The following MDGA2 variants were observed in gnomAD, a reference collection of about 807,000 sequenced individuals.
MDGA2 encodes MAM domain-containing glycosylphosphatidylinositol anchor protein 2.
In MDGA2, 40 loss-of-function variants were observed where a neutral mutation model predicts 117.8. The observed-to-expected ratio is 0.34, with a 90% CI of 0.26 to 0.44. MDGA2 has a LOEUF of 0.44. MDGA2 is among the 20% of genes least tolerant of loss of function. The pLI is 1.00. For missense variants in MDGA2, 1,123 were observed against 1,250.6 expected, an observed-to-expected ratio of 0.90 and a Z score of 1.54; for synonymous variants, 452 against 439.0, an observed-to-expected ratio of 1.03 and a Z score of -0.37.
chr14:47,053,630 T>C (rs1200166170), intron 7 of MDGA2, among the ~76,000 whole-genome samples: 36 of 99,446 alleles, frequency 3.6e-4, no homozygotes, highest in African/African-American at 1.4e-3. Flanking sequence ...TATATATATA[T>C]ATATATATAT....
rs148105347 is a variant in MDGA2, at chr14:47,052,058, T to A, written c.1525+9191A>T. Among the ~76,000 whole-genome samples the A allele has an allele frequency of 8.6e-5, 13 of 152,044 alleles. No individual in the cohort carries two copies. The East Asian group carries it at 2.5e-3, about 29-fold the overall frequency. ...TATTCTTTATCAGCGAATGGAGATA[T>A]CTGTCACAAGTGTTTCTTTAACTCT... On this transcript the variant is annotated intron_variant, in intron 7 of 16. Transcript: ENST00000399232.
intron 11 of MDGA2, among the ~76,000 whole-genome samples, chr14:46,881,122 A>T (rs1468871492): frequency 6.6e-6 from 1 of 151,984 alleles, no homozygotes; most frequent in Non-Finnish European, 1.5e-5. Flanking sequence ...GGCAACTAAG[A>T]TGTCTTTTGA....
intron 1 of MDGA2, among the ~76,000 whole-genome samples, chr14:47,537,573 TTAAAAAAAAAAAAAA>T (rs1442241071): frequency 2.5e-4 from 14 of 57,108 alleles, no homozygotes; most frequent in Non-Finnish European, 4.5e-4. Context: ...CTTCTCTCTG[TTAAAAAAAAAAAAAA>T]AAAAAAAAAA....
At chr14:47,294,103 CTTTTTTTTTTT>C (rs35698427) in intron 2 of MDGA2, among the ~76,000 whole-genome samples, 1 of 99,142 alleles carries the variant, frequency 1.0e-5, no homozygotes, top group Non-Finnish European at 1.9e-5. Context: ...ATATGGCAAT[CTTTTTTTTTTT>C]TTTTTTTTTT....
chr14:47,612,045 T>C (rs1022314206), intron 1 of MDGA2, among the ~76,000 whole-genome samples: 2 of 152,138 alleles, frequency 1.3e-5, no homozygotes, highest in African/African-American at 4.8e-5. Flanking sequence ...TCAAACAAAA[T>C]GTTTAGTGGG....
chr14:47,615,488 A>G (rs966118345), intron 1 of MDGA2, among the ~76,000 whole-genome samples: 6 of 152,194 alleles, frequency 3.9e-5, no homozygotes, highest in African/African-American at 1.4e-4. Context: ...AGCCTGGTGT[A>G]GTTAAAAGTC....
At chr14:47,528,710 G>C (rs1895026073) in intron 1 of MDGA2, among the ~76,000 whole-genome samples, 1 of 151,920 alleles carries the variant, frequency 6.6e-6, no homozygotes, top group African/African-American at 2.4e-5. Context: ...ATTTGCTTTG[G>C]GGTGCATTAG....
intron 3 of MDGA2, among the ~76,000 whole-genome samples, chr14:47,209,835 C>T (rs915079699): frequency 6.6e-6 from 1 of 152,126 alleles, no homozygotes; most frequent in African/African-American, 2.4e-5. Flanking sequence ...ATTGTAATTG[C>T]CACATCAAAC....
chr14:47,039,858 T>A (rs1466574155), intron 7 of MDGA2, among the ~76,000 whole-genome samples: 1 of 152,084 alleles, frequency 6.6e-6, no homozygotes, highest in East Asian at 1.9e-4. Flanking sequence ...GTATAAACAG[T>A]TGTATCTAAT....
At chr14:47,089,607 ATTTT>A (rs368652679) in intron 6 of MDGA2, among the ~76,000 whole-genome samples, 15 of 151,654 alleles carry the variant, frequency 9.9e-5, no homozygotes, top group African/African-American at 3.6e-4. Context: ...ATGTTTTTGT[ATTTT>A]TTTTATTATA....
chr14:47,250,705 C>G (rs1008669978), intron 2 of MDGA2, among the ~76,000 whole-genome samples: 7 of 152,182 alleles, frequency 4.6e-5, no homozygotes, highest in Non-Finnish European at 1.0e-4. Flanking sequence ...ATAAACCACC[C>G]AGTTCTAAGT....
chr14:47,321,111 A>T (rs577112189), intron 1 of MDGA2, among the ~76,000 whole-genome samples: 2 of 152,188 alleles, frequency 1.3e-5, no homozygotes, highest in African/African-American at 4.8e-5. Context: ...AGGCAGACAG[A>T]GTAGATTGTG....
chr14:46,916,989 C>T (rs1883925785), intron 10 of MDGA2, among the ~76,000 whole-genome samples: 1 of 134,158 alleles, frequency 7.5e-6, no homozygotes, highest in Non-Finnish European at 1.5e-5. Flanking sequence ...GTTTATTACA[C>T]TAGAAATATG....
chr14:47,101,525 G>A (rs1473409570), intron 5 of MDGA2, among the ~76,000 whole-genome samples: 1 of 152,134 alleles, frequency 6.6e-6, no homozygotes, highest in Non-Finnish European at 1.5e-5. Flanking sequence ...GTCACTGAGT[G>A]TGGCTGCCTA....
At chr14:47,007,134 G>A (rs1450307169) in intron 8 of MDGA2, among the ~76,000 whole-genome samples, 4 of 151,806 alleles carry the variant, frequency 2.6e-5, no homozygotes, top group African/African-American at 9.7e-5. Flanking sequence ...TCATATAAGA[G>A]TGATAATCTG....
intron 1 of MDGA2, among the ~76,000 whole-genome samples, chr14:47,452,579 G>A (rs1364871997): frequency 6.6e-6 from 1 of 150,822 alleles, no homozygotes; most frequent in Non-Finnish European, 1.5e-5. Flanking sequence ...ATGACCTTTA[G>A]GAATTCTTCC....
Position 47,174,217 on chromosome 14 carries a change from T to C in MDGA2, c.596-29943A>G, listed in dbSNP as rs371283115. 4.9e-4 allele frequency among the ~76,000 whole-genome samples: 75 copies of C among 152,056 alleles called. No homozygotes were observed. The South Asian group carries it at 0.013, about 26-fold the overall frequency. On this transcript the variant is annotated intron_variant, in intron 3 of 16. Coordinates refer to ENST00000399232, the MANE Select transcript of MDGA2 (RefSeq NM_001113498.3). ...AATAATGGGAGACTTTAACACCCCATTGTCAACATTAGACAGATCAACGAG... is the reference window on the plus strand; with the variant it reads ...AATAATGGGAGACTTTAACACCCCACTGTCAACATTAGACAGATCAACGAG...
intron 3 of MDGA2, among the ~76,000 whole-genome samples, chr14:47,195,299 A>T (rs957404279): frequency 2.0e-5 from 3 of 152,028 alleles, no homozygotes; most frequent in African/African-American, 7.2e-5. Context: ...AAAATTATTA[A>T]TAATATTGCT....
At chr14:47,182,974 TTGA>T (rs1274938475) in intron 3 of MDGA2, among the ~76,000 whole-genome samples, 1 of 152,170 alleles carries the variant, frequency 6.6e-6, no homozygotes, top group Admixed American at 6.6e-5. Flanking sequence ...AATCTAAATG[TTGA>T]TGATAATGTC....
Sources: gnomAD v4.1 joint callset for allele counts (sites outside exome capture counted in the v4.1 genomes callset) on GRCh38, gnomAD v4.1.1 for gene constraint, MANE v1.5 for transcripts, NCBI Gene and HGNC (gene_info 2026-07-23, HGNC 2026-07-21) for gene names.